The following RETREG1 variants were observed in gnomAD, a reference collection of about 807,000 sequenced individuals.
RETREG1 encodes the protein reticulophagy regulator 1, also known as family with sequence similarity 134 member B.
A neutral mutation model predicts 54.8 loss-of-function variants in RETREG1; 44 were observed. That is an observed-to-expected ratio of 0.80 (90% confidence interval 0.63 to 1.03). RETREG1 has a LOEUF of 1.03. Among genes scored for constraint, RETREG1 ranks in the 50% least tolerant of loss-of-function variants. The probability of loss-of-function intolerance (pLI) is 0.00; values close to 1 mark genes in which losing one functional copy is unlikely to be tolerated. For synonymous variants in RETREG1, 217 were observed against 238.5 expected (o/e 0.91, Z 0.83); for missense variants, 554 against 605.1 (o/e 0.92, Z 0.89).
chr5:16,611,303 A>T (rs1743337230), intron 1 of RETREG1, among the ~76,000 whole-genome samples: 1 of 152,206 alleles, frequency 6.6e-6, no homozygotes, highest in African/African-American at 2.4e-5. Flanking sequence ...CATCTAATGT[A>T]AATGATGAGT....
At chr5:16,555,754 GACT>G (rs1194072140) in intron 3 of RETREG1, among the ~76,000 whole-genome samples, 1 of 152,056 alleles carries the variant, frequency 6.6e-6, no homozygotes, top group Non-Finnish European at 1.5e-5. Flanking sequence ...AGGCAAATAT[GACT>G]ACAAGTAACA....
chr5:16,527,045 G>T (rs776513334), intron 3 of RETREG1, among the ~76,000 whole-genome samples: 3 of 152,224 alleles, frequency 2.0e-5, no homozygotes, highest in Non-Finnish European at 4.4e-5. Flanking sequence ...TGAGGCCTTT[G>T]TTGCGCCTGC....
chr5:16,513,577 G>T (rs1328179042), intron 3 of RETREG1, among the ~76,000 whole-genome samples: 2 of 152,146 alleles, frequency 1.3e-5, no homozygotes, highest in African/African-American at 4.8e-5. Flanking sequence ...GCTCTTTTTG[G>T]TTTGGACTGT....
At position 16,612,338 on chromosome 5, in the gene RETREG1, A is replaced by T. The variant is rs73051638; in HGVS notation, c.320+4314T>A. ...GGTAAACCACAAAAAGTTGATATTTAAAAAAAAACCAACATTTTCTATTAC... is the reference window on the plus strand; with the variant it reads ...GGTAAACCACAAAAAGTTGATATTTTAAAAAAAACCAACATTTTCTATTAC... On this transcript the variant is annotated intron_variant, in intron 1 of 8. Transcript: ENST00000306320. Among the ~76,000 whole-genome samples the T allele has an allele frequency of 5.7e-3, 844 of 148,504 alleles. 7 individuals are homozygous for T. Among genetic ancestry groups the T allele is most frequent in the African/African-American group, 0.019 (720 of 38,330 alleles).
chr5:16,537,652 CGTA>C (rs1253442796), intron 3 of RETREG1, among the ~76,000 whole-genome samples: 1 of 152,108 alleles, frequency 6.6e-6, no homozygotes, highest in African/African-American at 2.4e-5. Flanking sequence ...AAGCCTAGTT[CGTA>C]CCACTGCACT....
chr5:16,562,778 C>T (rs1741894804), intron 3 of RETREG1, among the ~76,000 whole-genome samples: 2 of 152,098 alleles, frequency 1.3e-5, no homozygotes, highest in Admixed American at 1.3e-4. Flanking sequence ...CAAAGGAAAT[C>T]TCAAAAACTG....
At chr5:16,477,932 G>A (rs1738609678) in intron 7 of RETREG1, 102 bp downstream of exon 7, 1 of 1,342,330 alleles carries the variant, frequency 7.4e-7, no homozygotes, top group Non-Finnish European at 1.0e-6. Flanking sequence ...TCATCTTACA[G>A]AAATATGAGG....
At chr5:16,586,315 G>C (rs559511016) in intron 1 of RETREG1, among the ~76,000 whole-genome samples, 1 of 152,156 alleles carries the variant, frequency 6.6e-6, no homozygotes, top group Admixed American at 6.5e-5. Flanking sequence ...ATATGAATGT[G>C]GGATCCTAAT....
intron 3 of RETREG1, among the ~76,000 whole-genome samples, chr5:16,557,787 G>A (rs892409934): frequency 2.6e-5 from 4 of 152,164 alleles, no homozygotes; most frequent in Non-Finnish European, 2.9e-5. Context: ...CTTATAACGC[G>A]TATGTCCAGC....
intron 3 of RETREG1, among the ~76,000 whole-genome samples, chr5:16,486,236 G>A (rs2126525350): frequency 6.6e-6 from 1 of 152,178 alleles, no homozygotes; most frequent in South Asian, 2.1e-4. Context: ...TGTTCAGATT[G>A]GGCTGAATAA....
intron 3 of RETREG1, among the ~76,000 whole-genome samples, chr5:16,511,595 T>C (rs549549787): frequency 6.6e-6 from 1 of 152,308 alleles, no homozygotes; most frequent in South Asian, 2.1e-4. Flanking sequence ...TTTAGGTACA[T>C]TTGTGGTAAT....
intron 3 of RETREG1, among the ~76,000 whole-genome samples, chr5:16,533,631 A>C (rs1270077868): frequency 6.6e-6 from 1 of 152,164 alleles, no homozygotes; most frequent in East Asian, 1.9e-4. Flanking sequence ...CTAGAGCTTG[A>C]GTGACCCACA....
rs140077128 is a variant in RETREG1 at position 16,612,337 on chromosome 5, TA to T, written c.320+4314del. ...TGGTAAACCACAAAAAGTTGATATT[TA>T]AAAAAAAACCAACATTTTCTATTAC... On this transcript the variant is annotated intron_variant, in intron 1 of 8. Coordinates refer to ENST00000306320, the MANE Select transcript of RETREG1 (RefSeq NM_001034850.3). Among the ~76,000 whole-genome samples the T allele has an allele frequency of 4.0e-5, 6 of 151,736 alleles. No homozygotes were observed. The South Asian group carries it at 8.3e-4, about 21-fold the overall frequency.
chr5:16,568,140 C>A (rs1274397782), intron 2 of RETREG1, among the ~76,000 whole-genome samples: 1 of 152,066 alleles, frequency 6.6e-6, no homozygotes, highest in African/African-American at 2.4e-5. Context: ...AGCACACACT[C>A]AAGGTACATA....
chr5:16,537,812 C>G (rs927578251), intron 3 of RETREG1, among the ~76,000 whole-genome samples: 1 of 152,132 alleles, frequency 6.6e-6, no homozygotes, highest in Non-Finnish European at 1.5e-5. Flanking sequence ...CATTCTCAGA[C>G]GCAGTGCTCT....
chr5:16,481,084 G>A lies in RETREG1; in HGVS notation c.595C>T (p.Leu199=). 1 of 1,610,778 alleles carries A rather than the reference G, an allele frequency of 6.2e-7. No homozygotes were observed. Among genetic ancestry groups the A allele is most frequent in the Non-Finnish European group, 8.5e-7 (1 of 1,177,630 alleles). ...AAAAATGTGCACACACTACAGACCAGGAGACAAAACTGGAAATAATAGAAA... is the reference window on the plus strand; with the variant it reads ...AAAAATGTGCACACACTACAGACCAAGAGACAAAACTGGAAATAATAGAAA... ...KQQSPGKFCL[L]VCSVCTFFTI... is the part of the protein sequence containing the mutation. Residue 199 remains leucine (L), a synonymous_variant, in exon 5 of 9, where the codon CTG becomes TTG. Coordinates refer to ENST00000306320, the MANE Select transcript of RETREG1 (RefSeq NM_001034850.3).
chr5:16,521,343 T>C (rs1397627573), intron 3 of RETREG1, among the ~76,000 whole-genome samples: 1 of 152,222 alleles, frequency 6.6e-6, no homozygotes, highest in Non-Finnish European at 1.5e-5. Context: ...GGGGTTAGTA[T>C]TGCCGCTGGT....
rs1332110536 is a variant in RETREG1, at chr5:16,473,508, CTGCCA to C, written c.*1228_*1232del. The C allele has an allele frequency of 6.6e-6, 1 of 152,554 alleles. No individual in the cohort carries two copies. The highest frequency in any genetic ancestry group is 1.5e-5 in the Non-Finnish European group (1 of 67,988). The allele number at this position is 152,554 out of a possible 1,614,324, so 9.5% of individuals were successfully genotyped here. A position where few individuals can be genotyped will look rare whatever the true frequency, so the allele number is the denominator to read the frequency against. On this transcript the variant is annotated 3_prime_UTR_variant, in exon 9 of 9. Coordinates refer to ENST00000306320, the MANE Select transcript of RETREG1 (RefSeq NM_001034850.3). The stretch of plus-strand genomic sequence containing the variant: ...GAGGGTCTCAGATGTCTCTATGCAT[CTGCCA>C]AAATGCCAGCTGTACCTGAAGATTT...
chr5:16,574,324 A>C (rs1742269781), intron 1 of RETREG1, among the ~76,000 whole-genome samples: 1 of 152,166 alleles, frequency 6.6e-6, no homozygotes, highest in African/African-American at 2.4e-5. Context: ...TATGCTACAA[A>C]CAATAGAGAG....
Sources: allele counts gnomAD v4.1 joint callset (sites outside exome capture counted in the v4.1 genomes callset), GRCh38; gene constraint gnomAD v4.1.1; transcripts MANE v1.5; gene names NCBI Gene and HGNC (gene_info 2026-07-23, HGNC 2026-07-21).